The following SUSD1 variants were observed in gnomAD, a reference collection of about 807,000 sequenced individuals.
SUSD1 encodes sushi domain-containing protein 1.
A neutral mutation model predicts 86.9 loss-of-function variants in SUSD1; 65 were observed. The ratio of observed to expected loss-of-function variants is 0.75; its 90% CI spans 0.61 to 0.92. The LOEUF (loss-of-function observed/expected upper bound fraction) is 0.92, where lower values mean the gene tolerates loss of function less well. Among genes scored for constraint, SUSD1 ranks in the 40% least tolerant of loss-of-function variants. The pLI, the probability that SUSD1 is intolerant of heterozygous loss-of-function variation, is 0.00. For missense variants in SUSD1, 850 were observed against 929.7 expected (o/e 0.91, Z 1.11); for synonymous variants, 346 against 350.0 (o/e 0.99, Z 0.13).
rs995699835 is a variant in SUSD1, at chr9:112,113,350, G to A, written c.887-482C>T. 1.7e-4 allele frequency among the ~76,000 whole-genome samples: 26 copies of A among 152,200 alleles called. No individual in the cohort carries two copies. The highest frequency in any genetic ancestry group is 6.3e-4 in the African/African-American group (26 of 41,448). On this transcript the variant is annotated intron_variant, in intron 6 of 16. Transcript: ENST00000374270. This position sits in a 1 kb window ranked among gnomAD's most constrained non-coding sequence, Gnocchi z 4.1. Reference sequence around the variant, plus strand: ...CACACAGGACCATGCCTCAGAAACAGGTTGGGGCAAACTAAAGAAATTCTC... The same window carrying A: ...CACACAGGACCATGCCTCAGAAACAAGTTGGGGCAAACTAAAGAAATTCTC...
At chr9:112,147,958 G>C (rs1440299944) in intron 3 of SUSD1, among the ~76,000 whole-genome samples, 1 of 152,110 alleles carries the variant, frequency 6.6e-6, no homozygotes, top group Admixed American at 6.5e-5. Context: ...ATTATAAAAT[G>C]TTTTCTCTGA....
intron 1 of SUSD1, among the ~76,000 whole-genome samples, chr9:112,165,846 G>A (rs112926585): frequency 6.8e-5 from 9 of 133,254 alleles, no homozygotes; most frequent in African/African-American, 2.5e-4. Flanking sequence ...AAGAAAGAAA[G>A]AGAAAGAGAA....
intron 2 of SUSD1, among the ~76,000 whole-genome samples, chr9:112,156,700 A>T (rs1366611445): frequency 6.6e-6 from 1 of 152,170 alleles, no homozygotes; most frequent in East Asian, 1.9e-4. Context: ...ATCGAGGCTC[A>T]GTACCTCGCT....
At chr9:112,170,426 A>C (rs1341960820) in intron 1 of SUSD1, among the ~76,000 whole-genome samples, 1 of 152,044 alleles carries the variant, frequency 6.6e-6, no homozygotes, top group African/African-American at 2.4e-5. Flanking sequence ...AATGCCAGAG[A>C]AAGGTTAAGA....
At chr9:112,143,117 TGGGATTACA>T (rs1205064185) in intron 4 of SUSD1, among the ~76,000 whole-genome samples, 1 of 151,434 alleles carries the variant, frequency 6.6e-6, no homozygotes, top group African/African-American at 2.4e-5. Flanking sequence ...CCTGAGTAGC[TGGGATTACA>T]GGTGCCCACC....
Position 112,117,004 on chromosome 9 carries a change from G to A in SUSD1, c.887-4136C>T, listed in dbSNP as rs1231678722. On this transcript the variant is annotated intron_variant, in intron 6 of 16. Coordinates refer to ENST00000374270, the MANE Select transcript of SUSD1 (RefSeq NM_022486.5). ...AAAATAGAGAAATTAGCCAGGTGTG[G>A]TGGTGCACACCTGTAATCCCAGCTA... 6.6e-5 allele frequency among the ~76,000 whole-genome samples: 10 copies of A among 152,180 alleles called. No homozygotes were observed. The East Asian group carries it at 1.9e-3, about 29-fold the overall frequency.
rs754624821 is a variant in SUSD1 at position 112,063,021 on chromosome 9, G to C, written c.1766C>G (p.Pro589Arg). The C allele has an allele frequency of 1.2e-6, 2 of 1,611,306 alleles. No homozygotes were observed. The highest frequency in any genetic ancestry group is 4.5e-5 in the East Asian group (2 of 44,860). Residue 589 changes from proline to arginine, a missense_variant, in exon 13 of 17, where the codon CCG becomes CGG. Coordinates refer to ENST00000374270, the MANE Select transcript of SUSD1 (RefSeq NM_022486.5). ...LTTQITEPPL[P>R]EVEFFTVHRG... Reference sequence around the variant, plus strand: ...GTGCACCGTAAAAAATTCTACTTCCGGGAGGGGAGGCTCTGAAAACATGTT... The same window carrying C: ...GTGCACCGTAAAAAATTCTACTTCCCGGAGGGGAGGCTCTGAAAACATGTT...
intron 10 of SUSD1, among the ~76,000 whole-genome samples, chr9:112,095,964 A>G (rs1830379623): frequency 1.3e-5 from 2 of 152,332 alleles, no homozygotes; most frequent in South Asian, 4.1e-4. Flanking sequence ...GCATCAAGAA[A>G]GACCTAGAGC....
At chr9:112,068,219 G>A (rs1051491632) in intron 12 of SUSD1, among the ~76,000 whole-genome samples, 10 of 152,176 alleles carry the variant, frequency 6.6e-5, no homozygotes, top group African/African-American at 2.4e-4. Context: ...ACTGAAGGCA[G>A]GGAGCTGAGC....
At chr9:112,069,142 G>A (rs1294980657) in intron 12 of SUSD1, among the ~76,000 whole-genome samples, 4 of 77,050 alleles carry the variant, frequency 5.2e-5, no homozygotes, top group Non-Finnish European at 8.6e-5. Context: ...GGAGAGATGG[G>A]GGCCAAGGGC....
chr9:112,134,782 A>G (rs948860471), intron 5 of SUSD1, among the ~76,000 whole-genome samples: 12 of 150,862 alleles, frequency 8.0e-5, no homozygotes, highest in Admixed American at 2.6e-4. Context: ...AAAAAAAAAA[A>G]TGTGGCCAGG....
chr9:112,110,672 T>A (rs1831055203), intron 8 of SUSD1, among the ~76,000 whole-genome samples: 1 of 151,684 alleles, frequency 6.6e-6, no homozygotes, highest in African/African-American at 2.4e-5. Context: ...ATTACAGACA[T>A]GAGTCACCGT....
intron 3 of SUSD1, among the ~76,000 whole-genome samples, chr9:112,144,777 C>T (rs1832736661): frequency 6.6e-6 from 1 of 150,406 alleles, no homozygotes; most frequent in Non-Finnish European, 1.5e-5. Flanking sequence ...AGCCTTAAAA[C>T]AGCCTTCTGG....
chr9:112,041,217 A>G lies in SUSD1; in HGVS notation c.*275T>C. ...GATCTGTATGTAGCCTTCGGTCAAT[A>G]TCACAGTGTACATCAGGAGTCTCAA... is the stretch of plus-strand genomic sequence containing the variant. On this transcript the variant is annotated 3_prime_UTR_variant, in exon 17 of 17. Coordinates refer to ENST00000374270, the MANE Select transcript of SUSD1 (RefSeq NM_022486.5). The G allele has an allele frequency of 1.7e-6, 1 of 586,592 alleles. No homozygotes were observed. Among genetic ancestry groups the G allele is most frequent in the South Asian group, 2.1e-5 (1 of 46,836 alleles). 36.3% of individuals were successfully genotyped at this position (586,592 alleles called of 1,614,324 possible).
intron 11 of SUSD1, among the ~76,000 whole-genome samples, chr9:112,079,723 C>T (rs1564276118): frequency 1.3e-5 from 2 of 152,012 alleles, no homozygotes; most frequent in Non-Finnish European, 2.9e-5. Flanking sequence ...CTGCCTCAGC[C>T]TCCTGAATAG....
chr9:112,162,511 C>T (rs1039348487), intron 1 of SUSD1, among the ~76,000 whole-genome samples: 3 of 152,152 alleles, frequency 2.0e-5, no homozygotes, highest in Non-Finnish European at 4.4e-5. Context: ...AATATAAACA[C>T]GCGGTTCAAA....
intron 12 of SUSD1, among the ~76,000 whole-genome samples, chr9:112,066,857 T>C (rs904633265): frequency 2.6e-5 from 4 of 151,924 alleles, no homozygotes; most frequent in Admixed American, 2.0e-4. Context: ...GTTTAGGAGA[T>C]TGGAGGTTTT....
chr9:112,161,562 C>T (rs561136472), intron 1 of SUSD1, among the ~76,000 whole-genome samples: 9 of 152,052 alleles, frequency 5.9e-5, no homozygotes, highest in Non-Finnish European at 8.8e-5. Flanking sequence ...GTGGCTCATG[C>T]CTGTAATCCC....
chr9:112,139,453 T>C (rs1364986652), intron 5 of SUSD1, among the ~76,000 whole-genome samples: 5 of 152,174 alleles, frequency 3.3e-5, no homozygotes, highest in Non-Finnish European at 5.9e-5. Context: ...TTATTATTAT[T>C]TTTTCTTTAT....
Sources: allele counts gnomAD v4.1 joint callset (sites outside exome capture counted in the v4.1 genomes callset), GRCh38; gene constraint gnomAD v4.1.1; non-coding constraint Gnocchi (gnomAD v3.1); transcripts MANE v1.5; gene names NCBI Gene and HGNC (gene_info 2026-07-23, HGNC 2026-07-21).